ANKIB1: variants seen among roughly 807,000 people sequenced by gnomAD.
ANKIB1 encodes the protein ankyrin repeat and IBR domain containing 1.
In ANKIB1, 43 loss-of-function variants were observed where a neutral mutation model predicts 122.1. The ratio of observed to expected loss-of-function variants is 0.35; its 90% CI spans 0.28 to 0.45. The LOEUF is 0.45. ANKIB1 is among the 20% of genes least tolerant of loss of function. The pLI is 1.00. For missense variants in ANKIB1, 992 were observed against 1,329.5 expected (o/e 0.75, Z 3.95); for synonymous variants, 390 against 442.0 (o/e 0.88, Z 1.48).
At chr7:92,360,872 T>G (rs1444060633) in intron 9 of ANKIB1, among the ~76,000 whole-genome samples, 2 of 152,146 alleles carry the variant, frequency 1.3e-5, no homozygotes, top group Non-Finnish European at 2.9e-5. Flanking sequence ...TTTTTTTTAT[T>G]TTTTTTCCTC....
chr7:92,324,513 C>T (rs1199631597), intron 4 of ANKIB1, among the ~76,000 whole-genome samples: 2 of 152,146 alleles, frequency 1.3e-5, no homozygotes, highest in South Asian at 2.1e-4. Context: ...GGATTACAGG[C>T]GTGAGCCACC....
In ANKIB1 at chr7:92,295,098, T is replaced by C. The variant is rs1197610707; in HGVS notation, c.120T>C (p.Tyr40=). The C allele has an allele frequency of 6.3e-6, 10 of 1,582,840 alleles. No homozygotes were observed. The highest frequency in any genetic ancestry group is 1.2e-5 in the South Asian group (1 of 86,432). Residue 40 remains tyrosine, a synonymous_variant, in exon 2 of 20, where the codon TAT becomes TAC. Coordinates refer to ENST00000265742, the MANE Select transcript of ANKIB1 (RefSeq NM_019004.2). ...LKESLDPNTS[Y]GEPYQHNTPL... is the part of the protein sequence containing the mutation. ...AATCTCTTGATCCAAATACATCTTATGGGGAGCCCTACCAGCACAATACTC... is the reference window on the plus strand; with the variant it reads ...AATCTCTTGATCCAAATACATCTTACGGGGAGCCCTACCAGCACAATACTC...
intron 9 of ANKIB1, among the ~76,000 whole-genome samples, chr7:92,360,456 G>C (rs1266115877): frequency 6.6e-6 from 1 of 152,176 alleles, no homozygotes; most frequent in African/African-American, 2.4e-5. Flanking sequence ...GTGTGTTTGT[G>C]TGTGTGTATA....
chr7:92,334,553 GAGA>G (rs1320770875), intron 5 of ANKIB1, among the ~76,000 whole-genome samples: 1 of 151,422 alleles, frequency 6.6e-6, no homozygotes, highest in East Asian at 1.9e-4. Flanking sequence ...AATAAATTAA[GAGA>G]AGAACAAAGT....
intron 2 of ANKIB1, among the ~76,000 whole-genome samples, chr7:92,301,774 T>C (rs187627049): frequency 1.3e-5 from 2 of 152,284 alleles, no homozygotes; most frequent in Admixed American, 1.3e-4. Context: ...ATAACTTTTA[T>C]TTAATTATTT....
chr7:92,255,412 G>T (rs116270312), intron 1 of ANKIB1, among the ~76,000 whole-genome samples: 1 of 152,182 alleles, frequency 6.6e-6, no homozygotes, highest in Admixed American at 6.5e-5. Context: ...TGGTATAGTG[G>T]TTCCACAGTG....
intron 10 of ANKIB1, among the ~76,000 whole-genome samples, chr7:92,365,998 T>C (rs771876587): frequency 7.3e-5 from 11 of 151,702 alleles, no homozygotes; most frequent in Admixed American, 2.0e-4. Context: ...GGTTTCACCA[T>C]GTTAGCCAGG....
At chr7:92,350,150 A>G (rs1482150485) in intron 7 of ANKIB1, among the ~76,000 whole-genome samples, 3 of 152,126 alleles carry the variant, frequency 2.0e-5, no homozygotes, top group Admixed American at 2.0e-4. Context: ...ACTTATTTTA[A>G]TATTCATCTA....
intron 1 of ANKIB1, among the ~76,000 whole-genome samples, chr7:92,283,775 T>G (rs1052552523): frequency 6.6e-6 from 1 of 152,218 alleles, no homozygotes; most frequent in African/African-American, 2.4e-5. Context: ...TTTATTTTTA[T>G]TTCATTTTAT....
In ANKIB1 at chr7:92,246,266, C is replaced by T; in HGVS notation, c.-344C>T. On this transcript the variant is annotated 5_prime_UTR_variant, in exon 1 of 20. Coordinates refer to ENST00000265742, the MANE Select transcript of ANKIB1 (RefSeq NM_019004.2). ...GCCGGAGAGGGATGGGGGGCGCCCACCCAGTCTGAGCCTCGCCGCGGGCGC... is the reference window on the plus strand; with the variant it reads ...GCCGGAGAGGGATGGGGGGCGCCCATCCAGTCTGAGCCTCGCCGCGGGCGC... The T allele has an allele frequency of 2.5e-6, 1 of 397,216 alleles. No individual in the cohort carries two copies. Among genetic ancestry groups the T allele is most frequent in the Non-Finnish European group, 4.9e-6 (1 of 205,748 alleles). 24.6% of individuals were successfully genotyped at this position (397,216 alleles called of 1,614,324 possible).
At chr7:92,369,182 T>G (rs1329974888) in intron 10 of ANKIB1, among the ~76,000 whole-genome samples, 1 of 152,240 alleles carries the variant, frequency 6.6e-6, no homozygotes, top group Non-Finnish European at 1.5e-5. Flanking sequence ...CTAAGTATAC[T>G]AAGTTCCTTC....
intron 7 of ANKIB1, among the ~76,000 whole-genome samples, chr7:92,346,262 C>T (rs1341843863): frequency 6.6e-6 from 1 of 152,026 alleles, no homozygotes. Context: ...TCCCAGTAAG[C>T]TGGGACTATA....
chr7:92,339,151 C>T (rs1487385126), intron 5 of ANKIB1, among the ~76,000 whole-genome samples: 5 of 145,506 alleles, frequency 3.4e-5, no homozygotes, highest in Non-Finnish European at 7.5e-5. Context: ...ATGCCATTCT[C>T]CTGCCTCAGC....
At chr7:92,273,885 A>C (rs981046097) in intron 1 of ANKIB1, among the ~76,000 whole-genome samples, 3 of 151,808 alleles carry the variant, frequency 2.0e-5, no homozygotes, top group African/African-American at 7.3e-5. Context: ...GGATCCTCCC[A>C]CCTCAGCCTC....
At position 92,270,181 on chromosome 7, in the gene ANKIB1, G is replaced by A. The variant is rs556168185; in HGVS notation, c.-91+23662G>A. ...GGGCTTAAATGATCCTCCCACCACA[G>A]CCACCCGAGTAGCTGGGACTGTAGG... On this transcript the variant is annotated intron_variant, in intron 1 of 19. Transcript: ENST00000265742. Among the ~76,000 whole-genome samples the A allele has an allele frequency of 3.2e-4, 49 of 152,220 alleles. 1 individual carries two copies. The South Asian group carries it at 1.0e-2, about 31-fold the overall frequency.
rs1275687629 is a variant in ANKIB1, at chr7:92,329,994, TAC to T, written c.787+2096_787+2097del. On this transcript the variant is annotated intron_variant, in intron 5 of 19. Coordinates refer to ENST00000265742, the MANE Select transcript of ANKIB1 (RefSeq NM_019004.2). ...TGCTGAAAACCCTTCAGTGGCTTGCTACAGACTTAAAATCATCCAAAATTTTT... is the reference window on the plus strand; with the variant it reads ...TGCTGAAAACCCTTCAGTGGCTTGCTAGACTTAAAATCATCCAAAATTTTT... Among the ~76,000 whole-genome samples the T allele has an allele frequency of 2.0e-5, 3 of 152,230 alleles. No individual in the cohort carries two copies. The South Asian group carries it at 6.2e-4, about 31-fold the overall frequency.
intron 3 of ANKIB1, 114 bp downstream of exon 3, chr7:92,307,770 C>T (rs1181718725): frequency 4.8e-4 from 238 of 490,854 alleles, no homozygotes; most frequent in South Asian, 2.5e-3. Flanking sequence ...TTTTTTTTCT[C>T]TTTTGTCTTC....
intron 11 of ANKIB1, among the ~76,000 whole-genome samples, chr7:92,375,078 A>C (rs917724282): frequency 6.7e-6 from 1 of 150,206 alleles, no homozygotes; most frequent in Non-Finnish European, 1.5e-5. Flanking sequence ...TAAGTGTAAT[A>C]GCATAATGCA....
intron 9 of ANKIB1, among the ~76,000 whole-genome samples, chr7:92,359,238 C>A (rs1385547832): frequency 6.6e-6 from 1 of 152,218 alleles, no homozygotes; most frequent in Non-Finnish European, 1.5e-5. Flanking sequence ...CATCCCCCAA[C>A]AGGCCCCAGT....
Sources: allele counts gnomAD v4.1 joint callset (sites outside exome capture counted in the v4.1 genomes callset), GRCh38; gene constraint gnomAD v4.1.1; transcripts MANE v1.5; gene names NCBI Gene and HGNC (gene_info 2026-07-23, HGNC 2026-07-21).